INSL6: variants seen among roughly 807,000 people sequenced by gnomAD.
INSL6 encodes the protein insulin-like peptide INSL6.
A neutral mutation model predicts 9.4 loss-of-function variants in INSL6; 16 were observed. The observed-to-expected ratio is 1.70, with a 90% CI of 1.15 to 2.59. INSL6 has a LOEUF of 2.59. INSL6 is among the 30% of genes most tolerant of loss of function. INSL6 has a pLI of 0.00. For missense variants in INSL6, 391 were observed against 257.3 expected (o/e 1.52, Z -3.56); for synonymous variants, 154 against 96.9 (o/e 1.59, Z -3.46).
the INSL6 span, chr9:5,080,724 T>A: frequency 7.0e-7 from 1 of 1,429,574 alleles, no homozygotes; most frequent in African/African-American, 1.5e-5. Flanking sequence ...CAGCTTTCTA[T>A]CTTTATTGTA....
the INSL6 span, chr9:5,090,562 A>C: frequency 6.3e-7 from 1 of 1,575,768 alleles, no homozygotes; most frequent in Non-Finnish European, 8.6e-7. Context: ...CACATCTCAG[A>C]TATGCAAGGT....
chr9:5,047,377 CA>C, the INSL6 span, among the ~76,000 whole-genome samples: 2 of 152,148 alleles, frequency 1.3e-5, no homozygotes, highest in African/African-American at 2.4e-5. Context: ...AAATAAAAAT[CA>C]AAAGTAAGAT....
At chr9:5,145,980 C>G (rs938676690) in intron 2 of INSL6, among the ~76,000 whole-genome samples, 6 of 152,160 alleles carry the variant, frequency 3.9e-5, no homozygotes, top group African/African-American at 1.4e-4. Context: ...AAGTCCTTAA[C>G]TCTTGCTGGA....
intron 1 of INSL6, among the ~76,000 whole-genome samples, chr9:5,176,246 C>A (rs916170743): frequency 6.6e-6 from 1 of 152,206 alleles, no homozygotes; most frequent in Admixed American, 6.5e-5. Context: ...CTTACCACTT[C>A]TTTTTAAATC....
At chr9:5,104,643 G>A in the INSL6 span, among the ~76,000 whole-genome samples, 99 of 152,232 alleles carry the variant, frequency 6.5e-4, 1 homozygote, top group East Asian at 2.1e-3. Context: ...GATGAACGTC[G>A]ATGTGAAAAT....
chr9:5,040,971 T>A, the INSL6 span: 1 of 577,478 alleles, frequency 1.7e-6, no homozygotes, highest in Admixed American at 2.3e-5. Flanking sequence ...CAAACAAATA[T>A]GTGGCTATCA....
chr9:5,181,067 C>T (rs76975351), intron 1 of INSL6, among the ~76,000 whole-genome samples: 8 of 152,232 alleles, frequency 5.3e-5, no homozygotes, highest in South Asian at 2.1e-4. Flanking sequence ...TCTCAGCCAG[C>T]GGACACTTAT....
chr9:5,060,442 C>T, the INSL6 span, among the ~76,000 whole-genome samples: 1 of 152,144 alleles, frequency 6.6e-6, no homozygotes, highest in Non-Finnish European at 1.5e-5. Context: ...GCTTTATGTA[C>T]TAAACTTTAT....
chr9:5,049,199 T>C, the INSL6 span, among the ~76,000 whole-genome samples: 4 of 152,204 alleles, frequency 2.6e-5, no homozygotes, highest in Non-Finnish European at 5.9e-5. Flanking sequence ...AAATACACTT[T>C]ATTTTCTTCA....
At chr9:4,999,376 C>G in the INSL6 span, among the ~76,000 whole-genome samples, 99 of 152,182 alleles carry the variant, frequency 6.5e-4, 1 homozygote, top group African/African-American at 2.3e-3. Flanking sequence ...AGTATACAAG[C>G]TTTGACCAAA....
the INSL6 span, among the ~76,000 whole-genome samples, chr9:5,064,117 T>C: frequency 2.6e-5 from 4 of 151,486 alleles, no homozygotes; most frequent in East Asian, 5.8e-4. Flanking sequence ...GATCGCGCCA[T>C]TGCACTCCAG....
At chr9:5,064,207 T>G in the INSL6 span, among the ~76,000 whole-genome samples, 1 of 151,644 alleles carries the variant, frequency 6.6e-6, no homozygotes, top group Admixed American at 6.6e-5. Context: ...AACATTTTAG[T>G]TTGTAGCATG....
intron 1 of INSL6, among the ~76,000 whole-genome samples, chr9:5,164,691 G>A (rs1825008901): frequency 6.6e-6 from 1 of 152,110 alleles, no homozygotes. Context: ...CTGTTTCTAT[G>A]GATTTGCCTA....
chr9:5,026,613 T>C, the INSL6 span, among the ~76,000 whole-genome samples: 2 of 152,182 alleles, frequency 1.3e-5, no homozygotes, highest in African/African-American at 2.4e-5. Context: ...TCATTTCTGA[T>C]TTAATTGAAG....
At chr9:5,110,850 C>T in the INSL6 span, 3 of 471,532 alleles carry the variant, frequency 6.4e-6, no homozygotes, top group East Asian at 5.1e-5. Context: ...GTGGGGGGGA[C>T]GCTTCATGCC....
chr9:5,073,513 G>T, the INSL6 span, among the ~76,000 whole-genome samples: 1 of 152,070 alleles, frequency 6.6e-6, no homozygotes, highest in Non-Finnish European at 1.5e-5. Flanking sequence ...GCTTACACAG[G>T]GGTTTCCTCA....
At chr9:5,035,757 T>A in the INSL6 span, among the ~76,000 whole-genome samples, 13 of 152,208 alleles carry the variant, frequency 8.5e-5, no homozygotes, top group Admixed American at 2.0e-4. Context: ...ATCTATGACA[T>A]ACCGACAGCC....
the INSL6 span, among the ~76,000 whole-genome samples, chr9:5,020,839 G>T: frequency 6.6e-6 from 1 of 152,120 alleles, no homozygotes; most frequent in African/African-American, 2.4e-5. Context: ...GGGCTCTAGG[G>T]GTGTGGATAT....
At chr9:5,085,756 G>A in the INSL6 span, 2 of 754,298 alleles carry the variant, frequency 2.7e-6, no homozygotes, top group Non-Finnish European at 5.0e-6. Context: ...TGGCTAGCTT[G>A]CACATGTCGG....
Sources: allele counts gnomAD v4.1 joint callset (sites outside exome capture counted in the v4.1 genomes callset), GRCh38; gene constraint gnomAD v4.1.1; transcripts MANE v1.5; gene names NCBI Gene and HGNC (gene_info 2026-07-23, HGNC 2026-07-21).